Variants in PLCB1 observed in about 807,000 individuals in gnomAD.
The protein encoded by PLCB1 is 1-phosphatidylinositol 4,5-bisphosphate phosphodiesterase beta-1.
In PLCB1, 46 loss-of-function variants were observed where a neutral mutation model predicts 161.8. The observed-to-expected ratio is 0.28, with a 90% CI of 0.22 to 0.36. The LOEUF (loss-of-function observed/expected upper bound fraction) is 0.36, where lower values mean the gene tolerates loss of function less well. PLCB1 is among the 10% of genes least tolerant of loss of function. PLCB1 has a pLI of 1.00. For missense variants in PLCB1, 1,016 were observed against 1,472.5 expected, an observed-to-expected ratio of 0.69 and a Z score of 5.07; for synonymous variants, 517 against 503.7, an observed-to-expected ratio of 1.03 and a Z score of -0.35.
chr20:8,535,737 A>G (rs888124348), intron 3 of PLCB1, among the ~76,000 whole-genome samples: 1 of 152,200 alleles, frequency 6.6e-6, no homozygotes, highest in Non-Finnish European at 1.5e-5. Flanking sequence ...AGCTCATATT[A>G]TAAAGGCTAA....
At chr20:8,749,180 A>G (rs1981325534) in intron 23 of PLCB1, among the ~76,000 whole-genome samples, 1 of 152,158 alleles carries the variant, frequency 6.6e-6, no homozygotes, top group Non-Finnish European at 1.5e-5. Flanking sequence ...GTCGTAGCCA[A>G]AGTTTCTGAT....
chr20:8,497,145 AG>A (rs11477342), intron 3 of PLCB1, among the ~76,000 whole-genome samples: 2,901 of 152,284 alleles, frequency 0.019, 114 homozygotes, highest in African/African-American at 0.067. Flanking sequence ...TTGGAAGTGA[AG>A]GGGAAAATGC....
intron 4 of PLCB1, among the ~76,000 whole-genome samples, chr20:8,645,043 T>C (rs949989996): frequency 7.2e-5 from 11 of 152,276 alleles, no homozygotes; most frequent in East Asian, 3.9e-4. Context: ...CTCTGAAACA[T>C]GTGCTGTGTC....
chr20:8,223,014 T>G (rs563985004), intron 2 of PLCB1, among the ~76,000 whole-genome samples: 11 of 152,174 alleles, frequency 7.2e-5, no homozygotes, highest in Non-Finnish European at 1.3e-4. Context: ...TGAACAGTTT[T>G]GTCCACTTAA....
rs1331477006 is a variant in PLCB1, at chr20:8,884,804, A to G, written c.*2955A>G. ...ATGCATAATTCACATTTTTGTAATA[A>G]TTCTATGCAATTTTGTGGCATGATG... On this transcript the variant is annotated 3_prime_UTR_variant, in exon 32 of 32. Coordinates refer to ENST00000338037, the MANE Select transcript of PLCB1 (RefSeq NM_015192.4). 1 of 152,782 alleles carries G rather than the reference A, an allele frequency of 6.5e-6. No individual in the cohort carries two copies. The highest frequency in any genetic ancestry group is 1.5e-5 in the Non-Finnish European group (1 of 68,040). 9.5% of individuals were successfully genotyped at this position (152,782 alleles called of 1,614,324 possible). A position where few individuals can be genotyped will look rare whatever the true frequency, so the allele number is the denominator to read the frequency against.
intron 2 of PLCB1, among the ~76,000 whole-genome samples, chr20:8,216,462 G>C (rs554672366): frequency 6.6e-6 from 1 of 152,122 alleles, no homozygotes; most frequent in Non-Finnish European, 1.5e-5. Flanking sequence ...AGAATGTGTT[G>C]TGTTCTGTTT....
At chr20:8,182,991 T>TCA (rs1315657570) in intron 2 of PLCB1, among the ~76,000 whole-genome samples, 1 of 714 alleles carries the variant, frequency 1.4e-3, no homozygotes, top group Non-Finnish European at 2.2e-3. Context: ...AAAGAACTGT[T>TCA]TTTTTTGGTA....
intron 23 of PLCB1, among the ~76,000 whole-genome samples, chr20:8,748,902 C>T (rs1981309706): frequency 6.6e-6 from 1 of 152,128 alleles, no homozygotes; most frequent in African/African-American, 2.4e-5. Flanking sequence ...TTTTACTGTA[C>T]ATAGGTATCT....
At chr20:8,507,971 A>G (rs896897108) in intron 3 of PLCB1, among the ~76,000 whole-genome samples, 3 of 152,108 alleles carry the variant, frequency 2.0e-5, no homozygotes, top group African/African-American at 7.2e-5. Flanking sequence ...AGGCTTTTGC[A>G]GCATCTAACA....
intron 3 of PLCB1, among the ~76,000 whole-genome samples, chr20:8,390,110 G>C (rs1987545474): frequency 2.0e-5 from 3 of 152,154 alleles, no homozygotes; most frequent in Admixed American, 2.0e-4. Flanking sequence ...ACTTGTATCA[G>C]TCTTCTCTGG....
chr20:8,873,733 T>C (rs2146327742), intron 31 of PLCB1, among the ~76,000 whole-genome samples: 1 of 152,226 alleles, frequency 6.6e-6, no homozygotes, highest in South Asian at 2.1e-4. Flanking sequence ...TATAATTATT[T>C]CTCCCTGTTT....
intron 4 of PLCB1, among the ~76,000 whole-genome samples, chr20:8,634,818 C>G (rs1988710783): frequency 6.6e-6 from 1 of 152,192 alleles, no homozygotes; most frequent in South Asian, 2.1e-4. Flanking sequence ...AGTCCCTACC[C>G]TCAGGTACTG....
chr20:8,524,824 A>G (rs1257854557), intron 3 of PLCB1, among the ~76,000 whole-genome samples: 2 of 152,144 alleles, frequency 1.3e-5, no homozygotes, highest in African/African-American at 2.4e-5. Context: ...ATATCTGAGT[A>G]ACTCAAACCC....
At chr20:8,326,337 A>C (rs572270408) in intron 2 of PLCB1, among the ~76,000 whole-genome samples, 92 of 152,258 alleles carry the variant, frequency 6.0e-4, no homozygotes, top group African/African-American at 2.2e-3. Context: ...GTGAGTGTTC[A>C]CCCATGTCCT....
At chr20:8,147,138 ACC>A (rs2051461416) in intron 1 of PLCB1, among the ~76,000 whole-genome samples, 1 of 152,126 alleles carries the variant, frequency 6.6e-6, no homozygotes, top group South Asian at 2.1e-4. Context: ...TGGCCCCTGG[ACC>A]AACAGCATCA....
intron 3 of PLCB1, among the ~76,000 whole-genome samples, chr20:8,455,975 A>T (rs1013775765): frequency 6.6e-6 from 1 of 152,232 alleles, no homozygotes; most frequent in Non-Finnish European, 1.5e-5. Context: ...TTCGCATCAT[A>T]ATCAAAACCA....
intron 3 of PLCB1, among the ~76,000 whole-genome samples, chr20:8,450,991 C>G (rs1266636386): frequency 2.0e-5 from 3 of 152,170 alleles, no homozygotes; most frequent in Admixed American, 2.0e-4. Context: ...GAAAAATATG[C>G]ACAAATTGGC....
intron 3 of PLCB1, among the ~76,000 whole-genome samples, chr20:8,615,734 G>C (rs1988025285): frequency 6.6e-6 from 1 of 152,132 alleles, no homozygotes; most frequent in African/African-American, 2.4e-5. Flanking sequence ...AAATTTACTT[G>C]ACATCTTGCT....
chr20:8,528,939 T>C (rs1041598958), intron 3 of PLCB1, among the ~76,000 whole-genome samples: 2 of 152,062 alleles, frequency 1.3e-5, no homozygotes, highest in Non-Finnish European at 2.9e-5. Flanking sequence ...AGCTGCTAAC[T>C]ACATAATGCT....
Sources: gnomAD v4.1 joint callset for allele counts (sites outside exome capture counted in the v4.1 genomes callset) on GRCh38, gnomAD v4.1.1 for gene constraint, MANE v1.5 for transcripts, NCBI Gene and HGNC (gene_info 2026-07-23, HGNC 2026-07-21) for gene names.